SLC6A17: variants seen among roughly 807,000 people sequenced by gnomAD.
SLC6A17 encodes the protein solute carrier family 6 member 17.
SLC6A17 carries 21 observed loss-of-function variants against 64.5 expected under a neutral mutation model. That is an observed-to-expected ratio of 0.33 (90% CI 0.23 to 0.47). SLC6A17 has a LOEUF of 0.47. Among genes scored for constraint, SLC6A17 ranks in the 20% least tolerant of loss-of-function variants. The pLI, the probability that SLC6A17 is intolerant of heterozygous loss-of-function variation, is 1.00. For missense variants in SLC6A17, 682 were observed against 963.2 expected, an observed-to-expected ratio of 0.71 and a Z score of 3.86; for synonymous variants, 372 against 399.5, an observed-to-expected ratio of 0.93 and a Z score of 0.82.
intron 2 of SLC6A17, among the ~76,000 whole-genome samples, chr1:110,167,557 T>A (rs1416356755): frequency 1.3e-5 from 2 of 152,132 alleles, no homozygotes; most frequent in African/African-American, 4.8e-5. Context: ...GTTGGGAAGA[T>A]TAAATGAGCT....
chr1:110,158,018 A>T (rs1655805905), intron 1 of SLC6A17, among the ~76,000 whole-genome samples: 1 of 152,122 alleles, frequency 6.6e-6, no homozygotes, highest in Admixed American at 6.5e-5. Context: ...GTATGTGTTT[A>T]TTTGATATAT....
At chr1:110,180,079 T>C (rs1656481592) in intron 6 of SLC6A17, among the ~76,000 whole-genome samples, 1 of 151,866 alleles carries the variant, frequency 6.6e-6, no homozygotes, top group East Asian at 1.9e-4. Context: ...TGAAACCCCA[T>C]CTCCAAAAAA....
intron 1 of SLC6A17, among the ~76,000 whole-genome samples, chr1:110,162,508 C>T (rs1258076116): frequency 2.0e-5 from 3 of 152,204 alleles, no homozygotes; most frequent in African/African-American, 7.2e-5. Context: ...CAGCACCTAG[C>T]TGGCCTGCTG....
intron 1 of SLC6A17, among the ~76,000 whole-genome samples, chr1:110,153,845 A>T (rs530220697): frequency 6.6e-6 from 1 of 152,298 alleles, no homozygotes; most frequent in African/African-American, 2.4e-5. Context: ...AGGCTGAGCT[A>T]CAAGAAGTCC....
rs548829320 is a variant in SLC6A17 at position 110,199,779 on chromosome 1, G to C, written c.*1335G>C. On this transcript the variant is annotated 3_prime_UTR_variant, in exon 12 of 12. Transcript: ENST00000331565. ...TACCTTCAGGGCCTCCTCTGGAAGA[G>C]AACCCATTCTCAGAGTGCAGCCAGG... 1 of 395,362 alleles carries C rather than the reference G, an allele frequency of 2.5e-6. No individual in the cohort carries two copies. The highest frequency in any genetic ancestry group is 4.5e-6 in the Non-Finnish European group (1 of 224,640). The allele number at this position is 395,362 out of a possible 1,614,324, so 24.5% of individuals were successfully genotyped here.
chr1:110,195,796 C>G lies in SLC6A17; in HGVS notation c.1652+51C>G, dbSNP rs746993520. 3.1e-6 allele frequency: 5 copies of G among 1,606,644 alleles called. No individual in the cohort carries two copies. In the Admixed American group the frequency reaches 8.4e-5, roughly 27 times the overall value. On this transcript the variant is annotated intron_variant, in intron 10 of 11. Coordinates refer to ENST00000331565, the MANE Select transcript of SLC6A17 (RefSeq NM_001010898.4). ...GGATGGGAGGAGGGGTCTGTCCTAT[C>G]ATGACTCCCTGGAGAGGCAGATCAT...
rs1217455792 is a variant in SLC6A17, at chr1:110,199,901, AGATGGATGGATG to A, written c.*1471_*1482del. On this transcript the variant is annotated 3_prime_UTR_variant, in exon 12 of 12. Transcript: ENST00000331565. The stretch of plus-strand genomic sequence containing the variant: ...GGGGAGTGGGGGTGGATGGATGGAT[AGATGGATGGATG>A]GATGGATGGATGGGTTGGGGGGTGG... 2.0e-5 allele frequency: 5 copies of A among 255,150 alleles called. No homozygotes were observed. Among genetic ancestry groups the A allele is most frequent in the Non-Finnish European group, 2.7e-5 (4 of 145,938 alleles). 15.8% of individuals were successfully genotyped at this position (255,150 alleles called of 1,614,324 possible).
In SLC6A17 at chr1:110,192,240, T is replaced by G; in HGVS notation, c.1106+27T>G. The G allele has an allele frequency of 6.3e-7, 1 of 1,590,976 alleles. No individual in the cohort carries two copies. The highest frequency in any genetic ancestry group is 8.6e-7 in the Non-Finnish European group (1 of 1,165,630). On this transcript the variant is annotated intron_variant, in intron 7 of 11. Coordinates refer to ENST00000331565, the MANE Select transcript of SLC6A17 (RefSeq NM_001010898.4). This position sits in a 1 kb window ranked among gnomAD's most constrained non-coding sequence, Gnocchi z 4.3. ...TAGGTGGCATCTCTCCTCCTGTCCC[T>G]CCTTCTCCCTGTCTACCTTACCTGG...
Position 110,199,897 on chromosome 1 carries a change from G to A in SLC6A17, c.*1453G>A, listed in dbSNP as rs889307091. On this transcript the variant is annotated 3_prime_UTR_variant, in exon 12 of 12. Transcript: ENST00000331565. ...GGTTGGGGAGTGGGGGTGGATGGAT[G>A]GATAGATGGATGGATGGATGGATGG... 2 of 387,446 alleles carry A rather than the reference G, an allele frequency of 5.2e-6. No individual in the cohort carries two copies. The highest frequency in any genetic ancestry group is 4.2e-5 in the African/African-American group (2 of 47,528). 24.0% of individuals were successfully genotyped at this position (387,446 alleles called of 1,614,324 possible).
chr1:110,187,867 A>T (rs1275585512), intron 6 of SLC6A17, among the ~76,000 whole-genome samples: 1 of 152,246 alleles, frequency 6.6e-6, no homozygotes, highest in Admixed American at 6.5e-5. Flanking sequence ...TTCCCAGTGG[A>T]ACTATGATTG....
intron 1 of SLC6A17, among the ~76,000 whole-genome samples, chr1:110,151,894 G>A (rs571707593): frequency 3.3e-5 from 5 of 152,210 alleles, no homozygotes; most frequent in African/African-American, 4.8e-5. Flanking sequence ...AGGCAGATGG[G>A]GGTGGGTTGG....
chr1:110,158,436 A>T (rs1160760382), intron 1 of SLC6A17, among the ~76,000 whole-genome samples: 54 of 152,068 alleles, frequency 3.6e-4, no homozygotes, highest in Non-Finnish European at 2.5e-4. Context: ...GCGTTGTGGG[A>T]TGTGGGTGAG....
At chr1:110,162,243 A>C (rs1226856534) in intron 1 of SLC6A17, among the ~76,000 whole-genome samples, 2 of 152,202 alleles carry the variant, frequency 1.3e-5, no homozygotes, top group Non-Finnish European at 2.9e-5. Flanking sequence ...CATCTCTACC[A>C]TGCTCCAGTG....
chr1:110,183,382 G>A (rs754644298), intron 6 of SLC6A17, among the ~76,000 whole-genome samples: 13 of 152,178 alleles, frequency 8.5e-5, no homozygotes, highest in African/African-American at 3.1e-4. Flanking sequence ...ACCACACACG[G>A]TATGAGTCCA....
chr1:110,173,913 C>CA, intron 3 of SLC6A17, 60 bp from the exon 4 acceptor site: 2 of 1,584,868 alleles, frequency 1.3e-6, no homozygotes, highest in East Asian at 2.3e-5. Flanking sequence ...TCGGGTGGAG[C>CA]GTGGGGGCAG....
intron 6 of SLC6A17, among the ~76,000 whole-genome samples, chr1:110,188,939 C>T (rs988283890): frequency 1.3e-5 from 2 of 152,198 alleles, no homozygotes; most frequent in Non-Finnish European, 1.5e-5. Context: ...CGTGGACTCC[C>T]TCAGGGTCTT....
At chr1:110,161,292 A>G (rs1428719878) in intron 1 of SLC6A17, among the ~76,000 whole-genome samples, 1 of 152,236 alleles carries the variant, frequency 6.6e-6, no homozygotes, top group Non-Finnish European at 1.5e-5. Context: ...TGAAGAAATC[A>G]GGAAGCTGCC....
intron 6 of SLC6A17, among the ~76,000 whole-genome samples, chr1:110,182,757 C>T (rs1025666270): frequency 5.9e-5 from 9 of 151,942 alleles, no homozygotes; most frequent in South Asian, 2.1e-4. Context: ...GAGAATTGAC[C>T]GAGGCACTTG....
intron 1 of SLC6A17, among the ~76,000 whole-genome samples, chr1:110,154,686 G>A (rs1655708375): frequency 1.3e-5 from 2 of 151,888 alleles, no homozygotes; most frequent in Admixed American, 6.6e-5. Flanking sequence ...CGTGTGTAGA[G>A]CAGTGAGAGG....
Sources: gnomAD v4.1 joint callset for allele counts (sites outside exome capture counted in the v4.1 genomes callset) on GRCh38, gnomAD v4.1.1 for gene constraint, Gnocchi (gnomAD v3.1) non-coding constraint, MANE v1.5 for transcripts, NCBI Gene and HGNC (gene_info 2026-07-23, HGNC 2026-07-21) for gene names.